SGCZ: variants seen among roughly 807,000 people sequenced by gnomAD.
SGCZ encodes the protein sarcoglycan zeta.
Under a neutral mutation model 41.3 loss-of-function variants are expected in SGCZ, and 40 were observed. The ratio of observed to expected loss-of-function variants is 0.97; its 90% confidence interval spans 0.75 to 1.26. The LOEUF (loss-of-function observed/expected upper bound fraction) is 1.26, where lower values mean the gene tolerates loss of function less well. Ranked by LOEUF, SGCZ falls within the 50% of genes most tolerant of loss-of-function variation. The probability of loss-of-function intolerance (pLI) is 0.00; values close to 1 mark genes in which losing one functional copy is unlikely to be tolerated. For synonymous variants in SGCZ, 206 were observed against 137.5 expected, an observed-to-expected ratio of 1.50 and a Z score of -3.49; for missense variants, 552 against 369.8, an observed-to-expected ratio of 1.49 and a Z score of -4.04.
intron 2 of SGCZ, among the ~76,000 whole-genome samples, chr8:14,504,997 C>T (rs1266884590): frequency 6.6e-6 from 1 of 151,778 alleles, no homozygotes; most frequent in Non-Finnish European, 1.5e-5. Flanking sequence ...CGGTTTGTTG[C>T]AGTTTTGATA....
chr8:14,711,408 G>A (rs1262325034), intron 1 of SGCZ, among the ~76,000 whole-genome samples: 1 of 142,984 alleles, frequency 7.0e-6, no homozygotes, highest in Non-Finnish European at 1.5e-5. Flanking sequence ...TGGCCAACAT[G>A]GTAAAATCTC....
At chr8:14,903,627 A>T (rs1336427563) in intron 1 of SGCZ, among the ~76,000 whole-genome samples, 1 of 152,048 alleles carries the variant, frequency 6.6e-6, no homozygotes, top group Non-Finnish European at 1.5e-5. Flanking sequence ...ACTTCTATGA[A>T]ATAGGAACAC....
Position 14,572,897 on chromosome 8 carries a change from C to A in SGCZ, c.40-17971G>T, listed in dbSNP as rs1804597423. Among the ~76,000 whole-genome samples, 3 of 152,078 alleles carry A rather than the reference C, an allele frequency of 2.0e-5. No individual in the cohort carries two copies. In the South Asian group the frequency reaches 6.2e-4, roughly 32 times the overall value. ...CTGTTGATGTTTCTGTTTTCTTAAC[C>A]ATGTCAGGCTGTTTCTGCAATGAAT... On this transcript the variant is annotated intron_variant, in intron 1 of 7. Coordinates refer to ENST00000382080, the MANE Select transcript of SGCZ (RefSeq NM_139167.4).
chr8:14,599,901 A>G (rs147887220), intron 1 of SGCZ, among the ~76,000 whole-genome samples: 1 of 152,306 alleles, frequency 6.6e-6, no homozygotes, highest in Non-Finnish European at 1.5e-5. Context: ...TGGCTGCCTT[A>G]TTTCTTCACA....
chr8:14,380,575 C>T (rs1804323998), intron 2 of SGCZ, among the ~76,000 whole-genome samples: 1 of 152,070 alleles, frequency 6.6e-6, no homozygotes, highest in Non-Finnish European at 1.5e-5. Flanking sequence ...CAATGTAGGC[C>T]AGGCGTGGTG....
At chr8:14,700,303 C>T (rs1253655656) in intron 1 of SGCZ, among the ~76,000 whole-genome samples, 1 of 151,878 alleles carries the variant, frequency 6.6e-6, no homozygotes, top group South Asian at 2.1e-4. Flanking sequence ...ATGTCCTTTG[C>T]AGCAATATGG....
intron 1 of SGCZ, among the ~76,000 whole-genome samples, chr8:14,806,336 A>G (rs1801528414): frequency 6.6e-6 from 1 of 150,642 alleles, no homozygotes; most frequent in Non-Finnish European, 1.5e-5. Flanking sequence ...ACCACTAGCA[A>G]GACTAATAAA....
At chr8:14,388,410 G>A (rs1300939766) in intron 2 of SGCZ, among the ~76,000 whole-genome samples, 1 of 152,064 alleles carries the variant, frequency 6.6e-6, no homozygotes, top group Non-Finnish European at 1.5e-5. Flanking sequence ...GAAAAAAAGA[G>A]AGAGAGACAG....
intron 2 of SGCZ, among the ~76,000 whole-genome samples, chr8:14,374,649 A>G (rs1804046804): frequency 6.6e-6 from 1 of 152,190 alleles, no homozygotes; most frequent in Non-Finnish European, 1.5e-5. Context: ...GGGAGGCCAG[A>G]CCACATACTG....
intron 1 of SGCZ, among the ~76,000 whole-genome samples, chr8:15,152,996 G>T (rs116130255): frequency 6.6e-6 from 1 of 152,276 alleles, no homozygotes; most frequent in African/African-American, 2.4e-5. Context: ...GAAATCAGAG[G>T]TTATTATGAA....
At chr8:14,556,209 A>C (rs1804030351) in intron 1 of SGCZ, among the ~76,000 whole-genome samples, 1 of 151,762 alleles carries the variant, frequency 6.6e-6, no homozygotes, top group Non-Finnish European at 1.5e-5. Context: ...ATAAAATATA[A>C]TTTTCTATAA....
At chr8:15,092,124 C>T (rs1401112710) in intron 1 of SGCZ, among the ~76,000 whole-genome samples, 2 of 152,100 alleles carry the variant, frequency 1.3e-5, no homozygotes, top group African/African-American at 4.8e-5. Context: ...CAGCATAATA[C>T]GGTCAGTGAA....
chr8:14,554,176 C>T (rs528994565), intron 2 of SGCZ, among the ~76,000 whole-genome samples: 19 of 151,982 alleles, frequency 1.3e-4, no homozygotes, highest in South Asian at 6.2e-4. Context: ...CTTCCATTTA[C>T]GAGGGATGTG....
chr8:15,159,734 C>T (rs1585625347), intron 1 of SGCZ, among the ~76,000 whole-genome samples: 1 of 38,598 alleles, frequency 2.6e-5, no homozygotes, highest in Non-Finnish European at 5.9e-5. Context: ...CGCCCCCGCC[C>T]CCCCCACCCT....
At chr8:14,129,030 A>G (rs1046410196) in intron 5 of SGCZ, among the ~76,000 whole-genome samples, 1 of 151,962 alleles carries the variant, frequency 6.6e-6, no homozygotes, top group African/African-American at 2.4e-5. Flanking sequence ...GACTTCACCA[A>G]TATGCAACAC....
At chr8:14,655,944 T>C (rs1807552205) in intron 1 of SGCZ, among the ~76,000 whole-genome samples, 1 of 152,108 alleles carries the variant, frequency 6.6e-6, no homozygotes, top group South Asian at 2.1e-4. Context: ...ATTGCTCCTT[T>C]TTATTGCTGA....
At chr8:14,580,557 A>C (rs1221981246) in intron 1 of SGCZ, among the ~76,000 whole-genome samples, 2 of 152,228 alleles carry the variant, frequency 1.3e-5, no homozygotes, top group Non-Finnish European at 2.9e-5. Context: ...AATAAATTGT[A>C]ATAGAAATAA....
chr8:14,207,592 TAA>T (rs1805659840), intron 4 of SGCZ, among the ~76,000 whole-genome samples: 1 of 152,180 alleles, frequency 6.6e-6, no homozygotes, highest in African/African-American at 2.4e-5. Flanking sequence ...TTTACTATGT[TAA>T]GTTATAATGA....
intron 1 of SGCZ, among the ~76,000 whole-genome samples, chr8:14,615,006 GTGTGTGTA>G (rs1806052324): frequency 6.8e-6 from 1 of 147,130 alleles, no homozygotes; most frequent in Non-Finnish European, 1.5e-5. Flanking sequence ...ATATGTGTGT[GTGTGTGTA>G]TATATATATA....
Sources: gnomAD v4.1 joint callset for allele counts (sites outside exome capture counted in the v4.1 genomes callset) on GRCh38, gnomAD v4.1.1 for gene constraint, MANE v1.5 for transcripts, NCBI Gene and HGNC (gene_info 2026-07-23, HGNC 2026-07-21) for gene names.